Variants in ENTREP2 observed in about 807,000 individuals in gnomAD.
ENTREP2 encodes the protein endosomal transmembrane epsin interactor 2.
At chr15:29,478,337 T>C in the ENTREP2 span, among the ~76,000 whole-genome samples, 1 of 152,074 alleles carries the variant, frequency 6.6e-6, no homozygotes, top group Non-Finnish European at 1.5e-5. Context: ...TAACAATATA[T>C]TTTCTTCAAC....
chr15:29,656,802 A>C, the ENTREP2 span, among the ~76,000 whole-genome samples: 1 of 152,212 alleles, frequency 6.6e-6, no homozygotes, highest in Non-Finnish European at 1.5e-5. Flanking sequence ...TTTCTTCTAA[A>C]GTTAAGCATG....
chr15:29,298,171 G>A, the ENTREP2 span, among the ~76,000 whole-genome samples: 2 of 145,468 alleles, frequency 1.4e-5, no homozygotes, highest in Admixed American at 1.4e-4. Flanking sequence ...AATCAAAGAA[G>A]AAATAATCAA....
At chr15:29,267,970 C>A in the ENTREP2 span, 1 of 152,124 alleles carries the variant, frequency 6.6e-6, no homozygotes, top group African/African-American at 2.4e-5. Context: ...GTTTTATAAG[C>A]CTTTTTGAGA....
chr15:29,233,805 T>C, the ENTREP2 span: 1 of 1,570,066 alleles, frequency 6.4e-7, no homozygotes, highest in East Asian at 2.2e-5. Context: ...ACAGACTGCC[T>C]TTGTTCACTG....
chr15:29,218,484 C>T, the ENTREP2 span, among the ~76,000 whole-genome samples: 2 of 152,048 alleles, frequency 1.3e-5, no homozygotes. Flanking sequence ...TCATACAAAA[C>T]CAAAAAAGAG....
At chr15:29,507,530 C>T in the ENTREP2 span, among the ~76,000 whole-genome samples, 3 of 152,034 alleles carry the variant, frequency 2.0e-5, no homozygotes, top group South Asian at 4.1e-4. Flanking sequence ...CAGCAAATGC[C>T]AAAGAACAGA....
At chr15:29,219,616 T>TATAA in the ENTREP2 span, among the ~76,000 whole-genome samples, 1 of 10,124 alleles carries the variant, frequency 9.9e-5, no homozygotes, top group Non-Finnish European at 2.2e-4. Context: ...GGTGCATAAA[T>TATAA]ATATATATAT....
At chr15:29,399,530 T>C in the ENTREP2 span, among the ~76,000 whole-genome samples, 2 of 152,168 alleles carry the variant, frequency 1.3e-5, no homozygotes, top group East Asian at 3.9e-4. Context: ...CATAAGAAAA[T>C]TCAGTATGTT....
chr15:29,359,551 T>C, the ENTREP2 span, among the ~76,000 whole-genome samples: 2 of 152,236 alleles, frequency 1.3e-5, no homozygotes, highest in African/African-American at 2.4e-5. Context: ...TAGCTGGGAA[T>C]AGGGGCATGC....
chr15:29,541,775 C>T, the ENTREP2 span, among the ~76,000 whole-genome samples: 1 of 152,170 alleles, frequency 6.6e-6, no homozygotes, highest in African/African-American at 2.4e-5. Context: ...CTGCACAAGA[C>T]AGGTCTGCTG....
the ENTREP2 span, among the ~76,000 whole-genome samples, chr15:29,513,901 G>A: frequency 1.3e-5 from 2 of 152,154 alleles, no homozygotes; most frequent in South Asian, 2.1e-4. Context: ...TTGACCATCC[G>A]TGAACAAAAG....
the ENTREP2 span, among the ~76,000 whole-genome samples, chr15:29,503,547 A>G: frequency 2.6e-5 from 4 of 152,184 alleles, no homozygotes; most frequent in African/African-American, 9.7e-5. Flanking sequence ...TATACTAAAA[A>G]AACACTAACC....
At chr15:29,159,624 T>A in the ENTREP2 span, among the ~76,000 whole-genome samples, 1 of 152,138 alleles carries the variant, frequency 6.6e-6, no homozygotes, top group Non-Finnish European at 1.5e-5. Flanking sequence ...ACAAAAGTTC[T>A]CCATGTCACA....
the ENTREP2 span, among the ~76,000 whole-genome samples, chr15:29,539,212 C>T: frequency 8.1e-6 from 1 of 123,114 alleles, no homozygotes; most frequent in African/African-American, 3.0e-5. Context: ...CTCCCCACCC[C>T]CCACCCCCAC....
chr15:29,332,617 C>T, the ENTREP2 span, among the ~76,000 whole-genome samples: 4 of 152,108 alleles, frequency 2.6e-5, no homozygotes, highest in Admixed American at 6.5e-5. Flanking sequence ...CCCAATGCAT[C>T]GCCCATCTTC....
chr15:29,228,942 G>C, the ENTREP2 span, among the ~76,000 whole-genome samples: 2 of 151,942 alleles, frequency 1.3e-5, no homozygotes, highest in Admixed American at 6.6e-5. Context: ...CAGTTTAATT[G>C]GTGAATCTTT....
the ENTREP2 span, among the ~76,000 whole-genome samples, chr15:29,475,459 C>T: frequency 2.0e-5 from 3 of 152,124 alleles, no homozygotes; most frequent in Non-Finnish European, 2.9e-5. Context: ...CTGGAAGGAC[C>T]GTTCACTCAC....
chr15:29,387,885 A>T, the ENTREP2 span, among the ~76,000 whole-genome samples: 1 of 152,260 alleles, frequency 6.6e-6, no homozygotes, highest in Non-Finnish European at 1.5e-5. Context: ...TTCCCTATTT[A>T]AAAATGGTGC....
chr15:29,244,697 G>A, the ENTREP2 span, among the ~76,000 whole-genome samples: 27 of 152,240 alleles, frequency 1.8e-4, no homozygotes, highest in African/African-American at 6.3e-4. Context: ...TGGCTTCTCA[G>A]TGAGAGTCTC....
Sources: gnomAD v4.1 joint callset for allele counts (sites outside exome capture counted in the v4.1 genomes callset) on GRCh38, gnomAD v4.1.1 for gene constraint, MANE v1.5 for transcripts, NCBI Gene and HGNC (gene_info 2026-07-23, HGNC 2026-07-21) for gene names.